The following PKHD1 variants were observed in gnomAD, a reference collection of about 807,000 sequenced individuals.
PKHD1 encodes PKHD1 ciliary IPT domain containing fibrocystin/polyductin, also known as fibrocystin.
PKHD1 carries 291 observed loss-of-function variants against 412.0 expected under a neutral mutation model. The observed-to-expected ratio is 0.71, with a 90% CI of 0.64 to 0.78. The LOEUF (loss-of-function observed/expected upper bound fraction) is 0.78. PKHD1 is among the 30% of genes least tolerant of loss of function. PKHD1 has a pLI of 0.00. For synonymous variants in PKHD1, 1,777 were observed against 1,821.5 expected, an observed-to-expected ratio of 0.98 and a Z score of 0.62; for missense variants, 4,825 against 4,950.7, an observed-to-expected ratio of 0.97 and a Z score of 0.76.
chr6:52,007,430 C>A (rs544303060), intron 35 of PKHD1, among the ~76,000 whole-genome samples: 35 of 152,310 alleles, frequency 2.3e-4, no homozygotes, highest in Middle Eastern at 3.4e-3. Context: ...CTTCCCCACG[C>A]CCAGATAACC....
chr6:51,695,225 T>G (rs182789815), intron 60 of PKHD1, among the ~76,000 whole-genome samples: 4 of 152,292 alleles, frequency 2.6e-5, no homozygotes, highest in Admixed American at 2.6e-4. Context: ...AAAACACTCA[T>G]CTTGTTAAAT....
At chr6:51,671,565 G>A (rs950534344) in intron 60 of PKHD1, among the ~76,000 whole-genome samples, 18 of 152,092 alleles carry the variant, frequency 1.2e-4, no homozygotes, top group East Asian at 1.9e-4. Flanking sequence ...GTCATTCTCC[G>A]TCCAGCTTTG....
intron 60 of PKHD1, among the ~76,000 whole-genome samples, chr6:51,733,916 G>T (rs899747002): frequency 6.6e-6 from 1 of 152,182 alleles, no homozygotes; most frequent in African/African-American, 2.4e-5. Context: ...CTGGGAAAAT[G>T]AAAGGTAAAG....
chr6:51,839,306 A>C (rs1470814178), intron 50 of PKHD1, among the ~76,000 whole-genome samples: 1 of 152,224 alleles, frequency 6.6e-6, no homozygotes, highest in Non-Finnish European at 1.5e-5. Flanking sequence ...CTGATTTTGT[A>C]TTTGTAATAT....
At chr6:51,715,304 G>A (rs1781126542) in intron 60 of PKHD1, among the ~76,000 whole-genome samples, 1 of 151,564 alleles carries the variant, frequency 6.6e-6, no homozygotes, top group African/African-American at 2.4e-5. Context: ...GGGAAAGTCA[G>A]GTATTCCCAA....
At chr6:51,922,790 A>G (rs574541231) in intron 37 of PKHD1, among the ~76,000 whole-genome samples, 1 of 152,210 alleles carries the variant, frequency 6.6e-6, no homozygotes, top group South Asian at 2.1e-4. Flanking sequence ...TTCTAAGACC[A>G]TTGGAAAAGT....
At chr6:51,811,958 T>C (rs368810387) in intron 52 of PKHD1, among the ~76,000 whole-genome samples, 1 of 152,162 alleles carries the variant, frequency 6.6e-6, no homozygotes, top group Admixed American at 6.5e-5. Context: ...AAGAACAAAG[T>C]TACAGAAGCC....
At chr6:51,675,300 T>TC (rs1775658262) in intron 60 of PKHD1, among the ~76,000 whole-genome samples, 1 of 152,192 alleles carries the variant, frequency 6.6e-6, no homozygotes, top group Non-Finnish European at 1.5e-5. Context: ...CCTCTGGATT[T>TC]GTTTTCTTCC....
At chr6:51,640,656 A>C (rs994162245) in intron 63 of PKHD1, among the ~76,000 whole-genome samples, 6 of 152,170 alleles carry the variant, frequency 3.9e-5, no homozygotes, top group Admixed American at 1.3e-4. Context: ...GGGTTTCTGC[A>C]GGATAGATAG....
chr6:51,990,046 ATTT>A (rs1796851549), intron 35 of PKHD1, among the ~76,000 whole-genome samples: 1 of 149,636 alleles, frequency 6.7e-6, no homozygotes, highest in African/African-American at 2.5e-5. Context: ...ATTGTTATTT[ATTT>A]ATTTCCTCCC....
At chr6:51,896,117 G>C (rs185597301) in intron 43 of PKHD1, among the ~76,000 whole-genome samples, 4 of 152,174 alleles carry the variant, frequency 2.6e-5, no homozygotes, top group African/African-American at 9.7e-5. Context: ...GCCCAGGCTC[G>C]CTTAGGTAAA....
chr6:52,055,805 G>A, intron 18 of PKHD1, 76 bp from the exon 19 acceptor site: 1 of 1,459,388 alleles, frequency 6.9e-7, no homozygotes, highest in Non-Finnish European at 9.5e-7. Flanking sequence ...ATGTGTGCAT[G>A]AGGATTTTAG....
At chr6:51,742,371 A>G (rs1784660167) in intron 60 of PKHD1, among the ~76,000 whole-genome samples, 1 of 152,242 alleles carries the variant, frequency 6.6e-6, no homozygotes, top group Non-Finnish European at 1.5e-5. Flanking sequence ...TAAATGTTAA[A>G]AAGTATAAAT....
intron 57 of PKHD1, among the ~76,000 whole-genome samples, chr6:51,752,666 T>G (rs1786294724): frequency 6.6e-6 from 1 of 152,222 alleles, no homozygotes; most frequent in Middle Eastern, 3.2e-3. Flanking sequence ...TTTGGAATAA[T>G]GTATAAGGAA....
chr6:51,710,914 C>T (rs924676307), intron 60 of PKHD1, among the ~76,000 whole-genome samples: 7 of 152,140 alleles, frequency 4.6e-5, no homozygotes, highest in African/African-American at 1.7e-4. Flanking sequence ...AACAACAATA[C>T]TATCATAACC....
chr6:51,927,314 G>C (rs1263329746), intron 37 of PKHD1, among the ~76,000 whole-genome samples: 1 of 152,128 alleles, frequency 6.6e-6, no homozygotes, highest in African/African-American at 2.4e-5. Context: ...GAGGACACAT[G>C]CATAGGATCA....
At chr6:52,033,450 G>A (rs924594180) in intron 28 of PKHD1, among the ~76,000 whole-genome samples, 1 of 151,922 alleles carries the variant, frequency 6.6e-6, no homozygotes, top group African/African-American at 2.4e-5. Flanking sequence ...AGAATTATTT[G>A]CAATTAACAC....
intron 2 of PKHD1, among the ~76,000 whole-genome samples, chr6:52,083,642 T>C (rs1812353459): frequency 6.6e-6 from 1 of 152,182 alleles, no homozygotes. Flanking sequence ...TCTGCTCTCT[T>C]TCCCACTCTT....
Position 51,627,127 on chromosome 6 carries a change from G to A in PKHD1, c.11666-11C>T. On this transcript the variant is annotated splice_polypyrimidine_tract_variant and intron_variant, in intron 65 of 66. Coordinates refer to ENST00000371117, the MANE Select transcript of PKHD1 (RefSeq NM_138694.4). ...CTTCAGGTTTTGTTTCTGTATTAAT[G>A]GAGAAGAAAAAGGATTTTTTTGTTC... 6.2e-7 allele frequency: 1 copy of A among 1,607,976 alleles called. No individual in the cohort carries two copies. Among genetic ancestry groups the A allele is most frequent in the Non-Finnish European group, 8.5e-7 (1 of 1,176,374 alleles).
Sources: allele counts gnomAD v4.1 joint callset (sites outside exome capture counted in the v4.1 genomes callset), GRCh38; gene constraint gnomAD v4.1.1; transcripts MANE v1.5; gene names NCBI Gene and HGNC (gene_info 2026-07-23, HGNC 2026-07-21).